Variants in SYAP1 observed in about 807,000 individuals in gnomAD.
SYAP1 encodes synapse-associated protein 1.
A neutral mutation model predicts 29.6 loss-of-function variants in SYAP1; 3 were observed. The ratio of observed to expected loss-of-function variants is 0.10; its 90% CI spans 0.05 to 0.26. SYAP1 has a LOEUF of 0.26. SYAP1 is among the 10% of genes least tolerant of loss of function. The pLI is 1.00. For synonymous variants in SYAP1, 102 were observed against 102.7 expected (o/e 0.99, Z 0.04); for missense variants, 217 against 264.1 (o/e 0.82, Z 1.24).
chrX:16,748,099 A>C (rs189466770), intron 5 of SYAP1, among the ~76,000 whole-genome samples: 419 of 111,601 alleles, frequency 3.8e-3, no homozygotes, highest in Non-Finnish European at 6.8e-3. Flanking sequence ...AAAAAAGAAA[A>C]GAAAAAGAAA....
rs2147426762 is a variant in SYAP1, at chrX:16,741,889, T to A, written c.435+100T>A. 5.1e-6 allele frequency: 3 copies of A among 592,850 alleles called. No individual in the cohort carries two copies. The East Asian group carries it at 1.0e-4, about 20-fold the overall frequency. 48.9% of individuals were successfully genotyped at this position (592,850 alleles called of 1,213,427 possible). A position where few individuals can be genotyped will look rare whatever the true frequency, so the allele number is the denominator to read the frequency against. ...TAGAATTTATTTTTCTATACAGTTTTTAAAATATTTTGAGATGTTAGGAAT... is the reference window on the plus strand; with the variant it reads ...TAGAATTTATTTTTCTATACAGTTTATAAAATATTTTGAGATGTTAGGAAT... On this transcript the variant is annotated intron_variant, in intron 4 of 8. Transcript: ENST00000380155.
At chrX:16,758,958 C>T (rs1445075773) in intron 8 of SYAP1, among the ~76,000 whole-genome samples, 7 of 104,276 alleles carry the variant, frequency 6.7e-5, no homozygotes, top group African/African-American at 1.4e-4. Context: ...CTGAGGCGGG[C>T]GGATCACGAG....
chrX:16,761,289 T>C lies in SYAP1; in HGVS notation c.*930T>C, dbSNP rs1926980772. 9.1e-6 allele frequency: 1 copy of C among 109,739 alleles called. No homozygotes were observed. Among genetic ancestry groups the C allele is most frequent in the African/African-American group, 3.3e-5 (1 of 30,213 alleles). 9.0% of individuals were successfully genotyped at this position (109,739 alleles called of 1,213,427 possible). A position where few individuals can be genotyped will look rare whatever the true frequency, so the allele number is the denominator to read the frequency against. On this transcript the variant is annotated 3_prime_UTR_variant, in exon 9 of 9. Transcript: ENST00000380155. ...TTTTCTTTCTTTTCTTTTTAAACTA[T>C]ACCAGAAATTTTACATCACAGTTTT...
intron 1 of SYAP1, among the ~76,000 whole-genome samples, chrX:16,732,264 C>A (rs1926224867): frequency 9.0e-6 from 1 of 111,682 alleles, no homozygotes; most frequent in South Asian, 3.6e-4. Context: ...CTAATTAGAA[C>A]TCTTTCGTAT....
At chrX:16,729,761 C>T (rs1428664149) in intron 1 of SYAP1, among the ~76,000 whole-genome samples, 2 of 111,284 alleles carry the variant, frequency 1.8e-5, no homozygotes, top group Non-Finnish European at 3.8e-5. Flanking sequence ...GGATTACAGG[C>T]ATGAGCCACT....
intron 1 of SYAP1, among the ~76,000 whole-genome samples, chrX:16,731,953 A>AAAAAAAAAAAAAAG (rs1926216450): frequency 9.0e-6 from 1 of 111,430 alleles, no homozygotes; most frequent in African/African-American, 3.3e-5. Flanking sequence ...AAAAAAAAAA[A>AAAAAAAAAAAAAAG]TTACACAGCA....
intron 5 of SYAP1, among the ~76,000 whole-genome samples, chrX:16,747,290 G>T (rs754710803): frequency 7.1e-4 from 80 of 112,249 alleles, no homozygotes; most frequent in African/African-American, 2.3e-3. Flanking sequence ...TAATGTGTAT[G>T]TGTATGTGCT....
intron 1 of SYAP1, among the ~76,000 whole-genome samples, chrX:16,724,563 G>C (rs1458261707): frequency 9.0e-6 from 1 of 111,304 alleles, no homozygotes; most frequent in Admixed American, 9.7e-5. Context: ...GTGGGGATGG[G>C]AGGGAGGTCC....
intron 8 of SYAP1, among the ~76,000 whole-genome samples, chrX:16,758,716 C>G (rs1244920539): frequency 9.0e-6 from 1 of 110,695 alleles, no homozygotes; most frequent in African/African-American, 3.3e-5. Flanking sequence ...CATTGTCTTT[C>G]TGTCCCCCTA....
intron 1 of SYAP1, 127 bp downstream of exon 1, chrX:16,720,026 T>A: frequency 1.5e-6 from 1 of 675,407 alleles, no homozygotes; most frequent in Non-Finnish European, 2.2e-6. Context: ...GAGGAAGATG[T>A]GTCTGTCGGT....
intron 3 of SYAP1, among the ~76,000 whole-genome samples, chrX:16,740,904 A>G (rs1483498932): frequency 9.0e-6 from 1 of 111,488 alleles, no homozygotes; most frequent in Non-Finnish European, 1.9e-5. Flanking sequence ...GCCTTCTTTA[A>G]TCAGGAACAT....
intron 5 of SYAP1, among the ~76,000 whole-genome samples, chrX:16,751,880 T>C (rs778594075): frequency 1.9e-5 from 2 of 107,264 alleles, no homozygotes; most frequent in Admixed American, 2.0e-4. Context: ...TTCACCATGT[T>C]GGCCAGGCTG....
chrX:16,757,214 C>A lies in SYAP1; in HGVS notation c.836C>A (p.Ala279Asp). The change falls in exon 8 of 9, where the codon GCC becomes GAC. Residue 279 changes from alanine (A) to aspartate (D), a missense_variant. Physicochemically the swap from Ala to Asp is moderately radical, Grantham distance 126. Transcript: ENST00000380155. ...GGTGTTTCTGAGTTTGTCAGTGATG[C>A]CTTCGATGCCTGTAACCTAAATCAG... ...SPGVSEFVSD[A>D]FDACNLNQED... 2 of 1,209,895 alleles carry A rather than the reference C, an allele frequency of 1.7e-6. No homozygotes were observed. The highest frequency in any genetic ancestry group is 2.2e-6 in the Non-Finnish European group (2 of 894,348).
At chrX:16,733,747 T>C (rs1223167741) in intron 1 of SYAP1, among the ~76,000 whole-genome samples, 1 of 108,859 alleles carries the variant, frequency 9.2e-6, no homozygotes, top group African/African-American at 3.4e-5. Context: ...CTCACTGCAG[T>C]CTCTGCCTCC....
chrX:16,722,237 A>G (rs764244917), intron 1 of SYAP1, among the ~76,000 whole-genome samples: 45 of 111,989 alleles, frequency 4.0e-4, no homozygotes, highest in Non-Finnish European at 7.7e-4. Flanking sequence ...TGAAATCTAC[A>G]TAAAATATCA....
chrX:16,729,983 T>G lies in SYAP1; in HGVS notation c.176-5244T>G, dbSNP rs182585012. On this transcript the variant is annotated intron_variant, in intron 1 of 8. Coordinates refer to ENST00000380155, the MANE Select transcript of SYAP1 (RefSeq NM_032796.4). ...AAATCCACATTTTCATGCCTCCTTA[T>G]AATCTTTTTACCAAAAGCATATTTT... is the stretch of plus-strand genomic sequence containing the variant. 5.2e-3 allele frequency among the ~76,000 whole-genome samples: 587 copies of G among 112,147 alleles called. 7 individuals carry two copies. The highest frequency in any genetic ancestry group is 0.018 in the African/African-American group (549 of 30,920).
intron 5 of SYAP1, among the ~76,000 whole-genome samples, chrX:16,745,361 A>G (rs1926574921): frequency 8.9e-6 from 1 of 111,872 alleles, no homozygotes; most frequent in Non-Finnish European, 1.9e-5. Context: ...AGGGCAGGGC[A>G]AGATGGGAGG....
intron 5 of SYAP1, 80 bp downstream of exon 5, chrX:16,743,920 A>G (rs1213745630): frequency 1.7e-5 from 18 of 1,071,731 alleles, no homozygotes; most frequent in Non-Finnish European, 2.3e-5. Flanking sequence ...GAAGGGGCCA[A>G]AAGGGTCTCT....
chrX:16,764,085 G>T lies in SYAP1; in HGVS notation c.*3726G>T, dbSNP rs1927042941. On this transcript the variant is annotated 3_prime_UTR_variant, in exon 9 of 9. Coordinates refer to ENST00000380155, the MANE Select transcript of SYAP1 (RefSeq NM_032796.4). ...AGACAGGGTTTCGCCATGTTGGTCA[G>T]GCTGGTCTTGAACTCCCAACCTCAG... The T allele has an allele frequency of 9.0e-6, 1 of 110,577 alleles. No individual in the cohort carries two copies. The highest frequency in any genetic ancestry group is 3.3e-5 in the African/African-American group (1 of 30,470). The allele number at this position is 110,577 out of a possible 1,213,427, so 9.1% of individuals were successfully genotyped here.
Sources: gnomAD v4.1 joint callset for allele counts (sites outside exome capture counted in the v4.1 genomes callset) on GRCh38, gnomAD v4.1.1 for gene constraint, MANE v1.5 for transcripts, NCBI Gene and HGNC (gene_info 2026-07-23, HGNC 2026-07-21) for gene names.